SLC9C1: variants seen among roughly 807,000 people sequenced by gnomAD.
The protein encoded by SLC9C1 is sodium/hydrogen exchanger 10.
In SLC9C1, 97 loss-of-function variants were observed where a neutral mutation model predicts 140.9. That is an observed-to-expected ratio of 0.69 (90% CI 0.58 to 0.82). The LOEUF (loss-of-function observed/expected upper bound fraction) is 0.82. Ranked by LOEUF, SLC9C1 falls within the 40% of genes least tolerant of loss-of-function variation. The pLI is 0.00. For synonymous variants in SLC9C1, 440 were observed against 442.6 expected (o/e 0.99, Z 0.07); for missense variants, 1,340 against 1,389.3 (o/e 0.96, Z 0.56).
At chr3:112,192,568 CT>C (rs2077686178) in intron 20 of SLC9C1, among the ~76,000 whole-genome samples, 1 of 151,012 alleles carries the variant, frequency 6.6e-6, no homozygotes, top group African/African-American at 2.4e-5. Flanking sequence ...TTTTTTCTTT[CT>C]TTTTGGTCTG....
intron 18 of SLC9C1, 55 bp from the exon 19 acceptor site, chr3:112,200,817 TC>T: frequency 1.4e-6 from 2 of 1,475,416 alleles, no homozygotes; most frequent in Middle Eastern, 4.2e-4. Context: ...TTATAAAATG[TC>T]CTTACATTTG....
rs139807715 is a variant in SLC9C1 at position 112,169,614 on chromosome 3, T to C, written c.2920-286A>G. Among the ~76,000 whole-genome samples, 1,483 of 152,322 alleles carry C rather than the reference T, an allele frequency of 9.7e-3. 10 individuals carry two copies. The highest frequency in any genetic ancestry group is 0.017 in the Non-Finnish European group (1,131 of 68,022). On this transcript the variant is annotated intron_variant, in intron 23 of 28. Coordinates refer to ENST00000305815, the MANE Select transcript of SLC9C1 (RefSeq NM_183061.3). The stretch of plus-strand genomic sequence containing the variant: ...TGTGTATATTTGTAAACCAGTTTCA[T>C]GCTGTTTTGATTACTATATCTTTAT...
chr3:112,147,401 G>C (rs1452070488), intron 28 of SLC9C1: 1 of 268,360 alleles, frequency 3.7e-6, no homozygotes, highest in Non-Finnish European at 7.6e-6. Flanking sequence ...GTACATGGGT[G>C]AGTTTTTGTG....
intron 16 of SLC9C1, among the ~76,000 whole-genome samples, chr3:112,206,968 C>T (rs2078070603): frequency 6.6e-6 from 1 of 152,056 alleles, no homozygotes; most frequent in African/African-American, 2.4e-5. Context: ...ACGTTGTGCA[C>T]ATGTACCCTA....
At chr3:112,145,322 A>G (rs2074754410) in intron 28 of SLC9C1, among the ~76,000 whole-genome samples, 1 of 151,322 alleles carries the variant, frequency 6.6e-6, no homozygotes, top group African/African-American at 2.4e-5. Context: ...TGATCGTGGT[A>G]TATTAACTTT....
At chr3:112,185,624 G>A in intron 20 of SLC9C1, 3 of 1,583,040 alleles carry the variant, frequency 1.9e-6, no homozygotes, top group Non-Finnish European at 2.6e-6. Flanking sequence ...CAAGGGGCAG[G>A]CTCCTGACCC....
At chr3:112,232,644 CA>C (rs200413584) in intron 12 of SLC9C1, among the ~76,000 whole-genome samples, 1 of 150,454 alleles carries the variant, frequency 6.6e-6, no homozygotes. Flanking sequence ...TTGTGTTTTG[CA>C]AAAAAAACAA....
In SLC9C1 at chr3:112,280,884, T is replaced by C. The variant is rs182268755; in HGVS notation, c.89-101A>G. 309 of 954,730 alleles carry C rather than the reference T, an allele frequency of 3.2e-4. 1 individual carries two copies. The East Asian group carries it at 8.6e-3, about 26-fold the overall frequency. The allele number at this position is 954,730 out of a possible 1,614,324, so 59.1% of individuals were successfully genotyped here. Reference sequence around the variant, plus strand: ...AAATTGTGAACAATGTCTTACAGTTTCACTACTTTTCATGAGTTTAAAATC... The same window carrying C: ...AAATTGTGAACAATGTCTTACAGTTCCACTACTTTTCATGAGTTTAAAATC... On this transcript the variant is annotated intron_variant, in intron 2 of 28. Coordinates refer to ENST00000305815, the MANE Select transcript of SLC9C1 (RefSeq NM_183061.3).
intron 10 of SLC9C1, among the ~76,000 whole-genome samples, 199 bp from the exon 11 acceptor site, chr3:112,244,275 T>C (rs2079217928): frequency 6.6e-6 from 1 of 152,200 alleles, no homozygotes; most frequent in Admixed American, 6.5e-5. Flanking sequence ...ATGTAATTCA[T>C]CCATGTTTTG....
intron 6 of SLC9C1, among the ~76,000 whole-genome samples, chr3:112,273,705 G>C (rs1267988933): frequency 6.6e-6 from 1 of 152,112 alleles, no homozygotes; most frequent in African/African-American, 2.4e-5. Flanking sequence ...ACTCTCTAGG[G>C]ACAGGGAAAA....
chr3:112,255,623 A>T (rs1202943826), intron 10 of SLC9C1, among the ~76,000 whole-genome samples: 1 of 152,178 alleles, frequency 6.6e-6, no homozygotes, highest in African/African-American at 2.4e-5. Context: ...CGCCCAAATC[A>T]AAAAGAAAGA....
At chr3:112,198,592 CTAT>C (rs1427433319) in intron 20 of SLC9C1, among the ~76,000 whole-genome samples, 6 of 151,838 alleles carry the variant, frequency 4.0e-5, no homozygotes, top group Admixed American at 6.6e-5. Flanking sequence ...GAGGTTCCTT[CTAT>C]TATTAGTCTT....
chr3:112,277,817 A>G lies in SLC9C1; in HGVS notation c.362T>C (p.Leu121Ser). 6.2e-7 allele frequency: 1 copy of G among 1,606,556 alleles called. No homozygotes were observed. Among genetic ancestry groups the G allele is most frequent in the Non-Finnish European group, 8.5e-7 (1 of 1,177,822 alleles). ...TACAGATGCCAGATGCCAAAGAACT[A>G]AGATATAATTAACCAAAAAGCCGGG... Reference protein sequence around the residue: ...SIPGFLVNYILVLWHLASVNQ... With the variant: ...SIPGFLVNYISVLWHLASVNQ... Residue 121 changes from leucine to serine, a missense_variant, in exon 5 of 29, where the codon TTA becomes TCA. Leu to Ser is a moderately radical substitution (Grantham distance 145). Coordinates refer to ENST00000305815, the MANE Select transcript of SLC9C1 (RefSeq NM_183061.3).
intron 12 of SLC9C1, among the ~76,000 whole-genome samples, chr3:112,233,068 T>TATATA (rs59351134): frequency 0.017 from 2,187 of 128,614 alleles, 58 homozygotes; most frequent in African/African-American, 0.055. Context: ...TATATATATA[T>TATATA]TATATTTTTT....
chr3:112,207,965 C>T (rs4373039), intron 16 of SLC9C1, among the ~76,000 whole-genome samples: 114,866 of 152,126 alleles, frequency 0.76, 43,777 homozygotes, highest in East Asian at 0.99. Context: ...TTTTAAAATT[C>T]ATTTCTGGAA....
intron 12 of SLC9C1, among the ~76,000 whole-genome samples, chr3:112,236,061 T>C (rs1357626032): frequency 6.6e-6 from 1 of 152,202 alleles, no homozygotes; most frequent in East Asian, 1.9e-4. Context: ...CTCCTCCTTG[T>C]ACCTCTGGTA....
chr3:112,150,824 A>G (rs1169373004), intron 28 of SLC9C1, among the ~76,000 whole-genome samples: 405 of 16,932 alleles, frequency 0.024, 3 homozygotes, highest in East Asian at 0.12. Context: ...ACATATACAT[A>G]TATATATATA....
intron 23 of SLC9C1, among the ~76,000 whole-genome samples, chr3:112,173,462 A>G (rs929329140): frequency 1.3e-5 from 2 of 152,088 alleles, no homozygotes; most frequent in African/African-American, 4.8e-5. Flanking sequence ...GCTCTGGTGT[A>G]TCTTGCTCCC....
In SLC9C1 at chr3:112,178,754, T is replaced by C. The variant is rs570684787; in HGVS notation, c.2919+777A>G. Among the ~76,000 whole-genome samples the C allele has an allele frequency of 7.2e-5, 11 of 152,328 alleles. No individual in the cohort carries two copies. The South Asian group carries it at 8.3e-4, about 11-fold the overall frequency. On this transcript the variant is annotated intron_variant, in intron 23 of 28. Coordinates refer to ENST00000305815, the MANE Select transcript of SLC9C1 (RefSeq NM_183061.3). ...TCATTATAACGTTTTCTATTAACAT[T>C]CACTTAGTAGTTTTAGCACCAACTG...
Sources: gnomAD v4.1 joint callset for allele counts (sites outside exome capture counted in the v4.1 genomes callset) on GRCh38, gnomAD v4.1.1 for gene constraint, MANE v1.5 for transcripts, NCBI Gene and HGNC (gene_info 2026-07-23, HGNC 2026-07-21) for gene names.